ARHGAP18: variants seen among roughly 807,000 people sequenced by gnomAD.
The protein encoded by ARHGAP18 is rho GTPase-activating protein 18.
A neutral mutation model predicts 86.2 loss-of-function variants in ARHGAP18; 67 were observed. The ratio of observed to expected loss-of-function variants is 0.78; its 90% CI spans 0.64 to 0.95. ARHGAP18 has a LOEUF of 0.95. ARHGAP18 is among the 40% of genes least tolerant of loss of function. The probability of loss-of-function intolerance (pLI) is 0.00; values close to 1 mark genes in which losing one functional copy is unlikely to be tolerated. For synonymous variants in ARHGAP18, 283 were observed against 280.4 expected (o/e 1.01, Z -0.09); for missense variants, 691 against 780.4 (o/e 0.89, Z 1.37).
At chr6:129,583,904 AGG>A (rs1788337264) in intron 13 of ARHGAP18, 82 bp downstream of exon 13, 9 of 1,427,210 alleles carry the variant, frequency 6.3e-6, no homozygotes, top group Admixed American at 2.3e-5. Context: ...AAAAAAAAAA[AGG>A]AAGAAGAAGC....
At chr6:129,620,710 CATT>C (rs1789209508) in intron 5 of ARHGAP18, among the ~76,000 whole-genome samples, 1 of 152,184 alleles carries the variant, frequency 6.6e-6, no homozygotes, top group South Asian at 2.1e-4. Context: ...TGCGTCTTAT[CATT>C]AACACTTCAT....
At chr6:129,586,458 C>T (rs771454581) in intron 12 of ARHGAP18, among the ~76,000 whole-genome samples, 152 of 152,044 alleles carry the variant, frequency 1.0e-3, no homozygotes, top group Non-Finnish European at 1.4e-3. Flanking sequence ...GAACGGCAGG[C>T]TAGAGTTTAC....
intron 1 of ARHGAP18, among the ~76,000 whole-genome samples, chr6:129,642,545 C>A (rs1773490984): frequency 6.6e-6 from 1 of 151,982 alleles, no homozygotes; most frequent in Non-Finnish European, 1.5e-5. Flanking sequence ...ATCCTCCCAC[C>A]TCAACCTCCC....
At position 129,580,291 on chromosome 6, in the gene ARHGAP18, C is replaced by T. The variant is rs548378364; in HGVS notation, c.1839-160G>A. On this transcript the variant is annotated intron_variant, in intron 13 of 14. Transcript: ENST00000368149. ...TATTTTCCCATCTGTTAAATGTACC[C>T]AATAGGTAATAAAAGTATCACACCT... Among the ~76,000 whole-genome samples, 77 of 151,886 alleles carry T rather than the reference C, an allele frequency of 5.1e-4. No homozygotes were observed. The highest frequency in any genetic ancestry group is 9.0e-4 in the Non-Finnish European group (61 of 67,978).
At chr6:129,677,044 G>A (rs913076845) in intron 1 of ARHGAP18, among the ~76,000 whole-genome samples, 3 of 147,074 alleles carry the variant, frequency 2.0e-5, no homozygotes, top group Non-Finnish European at 4.4e-5. Context: ...GATCTAAAAC[G>A]TAAATTCAGG....
At chr6:129,628,738 C>G (rs915428487) in intron 5 of ARHGAP18, among the ~76,000 whole-genome samples, 1 of 152,096 alleles carries the variant, frequency 6.6e-6, no homozygotes, top group African/African-American at 2.4e-5. Flanking sequence ...TGAAGAAAAG[C>G]AGGAGACTAA....
In ARHGAP18 at chr6:129,629,472, TCTC is replaced by T. The variant is rs775477935; in HGVS notation, c.664_666del (p.Glu222del). 1 of 1,613,822 alleles carries T rather than the reference TCTC, an allele frequency of 6.2e-7. No individual in the cohort carries two copies. Among genetic ancestry groups the T allele is most frequent in the East Asian group, 2.2e-5 (1 of 44,888 alleles). On this transcript the variant is annotated inframe_deletion, in exon 5 of 15. Transcript: ENST00000368149. Reference sequence around the variant, plus strand: ...TTGATGTCTGTTTCAGGGGCAGGCGTCTCCTCAGGTGGGATCAGCTTCTCTTCA... The same window carrying T: ...TTGATGTCTGTTTCAGGGGCAGGCGTCTCAGGTGGGATCAGCTTCTCTTCA...
intron 1 of ARHGAP18, among the ~76,000 whole-genome samples, chr6:129,644,809 T>G (rs545684900): frequency 1.3e-5 from 2 of 152,342 alleles, no homozygotes; most frequent in African/African-American, 4.8e-5. Flanking sequence ...TGCAAGGTCA[T>G]TGAGTAACAC....
rs1296074518 is a variant in ARHGAP18, at chr6:129,629,606, C to T, written c.617-84G>A. On this transcript the variant is annotated intron_variant, in intron 4 of 14. Transcript: ENST00000368149. The stretch of plus-strand genomic sequence containing the variant: ...TTCTAATGCATTCGCTACATAAAAA[C>T]ATTTGGGAAGAGTACTATTTTCTCT... The T allele has an allele frequency of 2.3e-5, 32 of 1,404,376 alleles. No individual in the cohort carries two copies. The East Asian group carries it at 7.4e-4, about 32-fold the overall frequency. The allele number at this position is 1,404,376 out of a possible 1,614,324, so 87.0% of individuals were successfully genotyped here.
chr6:129,669,316 C>T (rs577931861), intron 1 of ARHGAP18, among the ~76,000 whole-genome samples: 82 of 152,082 alleles, frequency 5.4e-4, no homozygotes, highest in Non-Finnish European at 1.0e-3. Flanking sequence ...GGACTACAGG[C>T]GCCCGCCACC....
At chr6:129,634,210 C>CTAA in intron 3 of ARHGAP18, 105 bp from the exon 4 acceptor site, 3 of 927,172 alleles carry the variant, frequency 3.2e-6, no homozygotes, top group Non-Finnish European at 3.3e-6. Context: ...GACATGTACT[C>CTAA]AGAATTATAA....
At chr6:129,649,406 T>C (rs1773654177) in intron 1 of ARHGAP18, among the ~76,000 whole-genome samples, 1 of 151,734 alleles carries the variant, frequency 6.6e-6, no homozygotes, top group African/African-American at 2.4e-5. Context: ...ATACAAAAAT[T>C]AGCTGGGTGT....
At chr6:129,639,166 C>A (rs963372778) in intron 2 of ARHGAP18, among the ~76,000 whole-genome samples, 1 of 151,754 alleles carries the variant, frequency 6.6e-6, no homozygotes, top group Non-Finnish European at 1.5e-5. Context: ...TCCAAGTCAG[C>A]ACATCAGATT....
At chr6:129,665,562 T>A (rs1774021476) in intron 1 of ARHGAP18, among the ~76,000 whole-genome samples, 2 of 151,900 alleles carry the variant, frequency 1.3e-5, no homozygotes, top group Non-Finnish European at 2.9e-5. Flanking sequence ...AAAAAATAAA[T>A]AAATAAATAA....
intron 1 of ARHGAP18, among the ~76,000 whole-genome samples, chr6:129,676,420 C>A (rs750154043): frequency 2.0e-5 from 3 of 152,088 alleles, no homozygotes; most frequent in Non-Finnish European, 2.9e-5. Flanking sequence ...GAAACTGAAT[C>A]TTCACTAGTA....
chr6:129,605,961 T>C lies in ARHGAP18; in HGVS notation c.1283-2A>G. 6.2e-7 allele frequency: 1 copy of C among 1,612,684 alleles called. No individual in the cohort carries two copies. The highest frequency in any genetic ancestry group is 8.5e-7 in the Non-Finnish European group (1 of 1,178,854). On this transcript the variant is annotated splice_acceptor_variant, in intron 9 of 14. Coordinates refer to ENST00000368149, the MANE Select transcript of ARHGAP18 (RefSeq NM_033515.3). LOFTEE classifies it high-confidence loss of function. ...GTTGCTGCTTCTTGGTTGGAAGATC[T>C]GCAGACAAATTAAATAAATCTGAAC...
intron 1 of ARHGAP18, among the ~76,000 whole-genome samples, chr6:129,657,499 C>T (rs900693930): frequency 6.6e-6 from 1 of 150,742 alleles, no homozygotes; most frequent in East Asian, 1.9e-4. Context: ...CCAATGGAAT[C>T]ATCTAAACTC....
intron 1 of ARHGAP18, among the ~76,000 whole-genome samples, chr6:129,664,093 C>T (rs570069772): frequency 6.6e-6 from 1 of 152,206 alleles, no homozygotes; most frequent in African/African-American, 2.4e-5. Context: ...ATCTATGGGT[C>T]CCTGTGGGCC....
At chr6:129,677,667 A>G (rs538723331) in intron 1 of ARHGAP18, among the ~76,000 whole-genome samples, 20 of 152,256 alleles carry the variant, frequency 1.3e-4, no homozygotes, top group Non-Finnish European at 2.4e-4. Context: ...AGAACATTCA[A>G]TGAAAGACGT....
Sources: gnomAD v4.1 joint callset for allele counts (sites outside exome capture counted in the v4.1 genomes callset) on GRCh38, gnomAD v4.1.1 for gene constraint, MANE v1.5 for transcripts, NCBI Gene and HGNC (gene_info 2026-07-23, HGNC 2026-07-21) for gene names.